The following ASIC2 variants were observed in gnomAD, a reference collection of about 807,000 sequenced individuals.
ASIC2 encodes the protein acid-sensing ion channel 2.
A neutral mutation model predicts 57.3 loss-of-function variants in ASIC2; 25 were observed. The ratio of observed to expected loss-of-function variants is 0.44; its 90% CI spans 0.32 to 0.61. The LOEUF (loss-of-function observed/expected upper bound fraction) is 0.61. Ranked by LOEUF, ASIC2 falls within the 20% of genes least tolerant of loss-of-function variation. The pLI is 0.06. For missense variants in ASIC2, 641 were observed against 738.1 expected, an observed-to-expected ratio of 0.87 and a Z score of 1.52; for synonymous variants, 319 against 307.5, an observed-to-expected ratio of 1.04 and a Z score of -0.39.
intron 7 of ASIC2, among the ~76,000 whole-genome samples, chr17:33,019,428 C>T (rs546433115): frequency 3.3e-4 from 50 of 151,778 alleles, no homozygotes; most frequent in Non-Finnish European, 5.0e-4. Flanking sequence ...GTGATTGGAA[C>T]GTGGGGCTGT....
At chr17:33,830,393 G>A (rs1010206938) in intron 1 of ASIC2, among the ~76,000 whole-genome samples, 3 of 152,112 alleles carry the variant, frequency 2.0e-5, no homozygotes, top group African/African-American at 7.2e-5. Context: ...TTCTTGGCAT[G>A]AGCATGATGT....
At chr17:33,894,209 G>T (rs1915031592) in intron 1 of ASIC2, among the ~76,000 whole-genome samples, 1 of 152,222 alleles carries the variant, frequency 6.6e-6, no homozygotes, top group Non-Finnish European at 1.5e-5. Context: ...CTTCCTGCCA[G>T]ATGTGAAATT....
At chr17:33,398,712 C>A (rs1910171374) in intron 1 of ASIC2, among the ~76,000 whole-genome samples, 1 of 152,242 alleles carries the variant, frequency 6.6e-6, no homozygotes, top group African/African-American at 2.4e-5. Flanking sequence ...TCACTTTGGT[C>A]TTCACAAAAT....
intron 1 of ASIC2, among the ~76,000 whole-genome samples, chr17:33,813,612 A>G (rs575426725): frequency 1.8e-4 from 27 of 152,044 alleles, no homozygotes; most frequent in African/African-American, 6.5e-4. Flanking sequence ...AATTTTTTGT[A>G]TTTTTAGTAG....
intron 1 of ASIC2, among the ~76,000 whole-genome samples, chr17:34,099,301 AAGAG>A (rs1048966924): frequency 3.4e-5 from 5 of 147,420 alleles, no homozygotes; most frequent in African/African-American, 1.0e-4. Flanking sequence ...GGAAGAAAGA[AAGAG>A]AAAGAAAGAA....
chr17:33,713,966 C>T (rs1328016087), intron 1 of ASIC2, among the ~76,000 whole-genome samples: 1 of 152,008 alleles, frequency 6.6e-6, no homozygotes, highest in Non-Finnish European at 1.5e-5. Context: ...TACACCTGAA[C>T]CTGTGACACA....
At chr17:33,695,992 A>G (rs577268711) in intron 1 of ASIC2, among the ~76,000 whole-genome samples, 1 of 152,348 alleles carries the variant, frequency 6.6e-6, no homozygotes, top group African/African-American at 2.4e-5. Flanking sequence ...ATATTCACAT[A>G]TGGATCTAGT....
intron 1 of ASIC2, among the ~76,000 whole-genome samples, chr17:33,852,152 C>A (rs1447319297): frequency 2.6e-5 from 4 of 152,258 alleles, no homozygotes; most frequent in Non-Finnish European, 4.4e-5. Flanking sequence ...GGCCCAGCAT[C>A]TATCCATCAT....
intron 1 of ASIC2, among the ~76,000 whole-genome samples, chr17:33,451,121 G>C (rs1339240403): frequency 6.6e-6 from 1 of 151,296 alleles, no homozygotes; most frequent in East Asian, 1.9e-4. Context: ...CAGTGGTGCA[G>C]TCTCAGCTCA....
At chr17:33,530,396 A>T (rs1410090074) in intron 1 of ASIC2, among the ~76,000 whole-genome samples, 1 of 152,270 alleles carries the variant, frequency 6.6e-6, no homozygotes, top group Non-Finnish European at 1.5e-5. Flanking sequence ...AAAGAGAGAG[A>T]GGTCAGTCCC....
Position 33,629,980 on chromosome 17 carries a change from T to C in ASIC2, c.556-517913A>G, listed in dbSNP as rs117240990. Among the ~76,000 whole-genome samples the C allele has an allele frequency of 2.6e-3, 400 of 152,278 alleles. 3 individuals are homozygous for C. The highest frequency in any genetic ancestry group is 4.6e-3 in the East Asian group (24 of 5,180). On this transcript the variant is annotated intron_variant, in intron 1 of 9. Transcript: ENST00000359872. Reference sequence around the variant, plus strand: ...GGGCATCCCTCTTGATACTTATTCATTGAAGGTCAAATGCAGGTTACATGT... The same window carrying C: ...GGGCATCCCTCTTGATACTTATTCACTGAAGGTCAAATGCAGGTTACATGT...
At chr17:33,725,574 G>A (rs1332766461) in intron 1 of ASIC2, among the ~76,000 whole-genome samples, 1 of 151,970 alleles carries the variant, frequency 6.6e-6, no homozygotes, top group Admixed American at 6.5e-5. Context: ...AGTTAGAAGA[G>A]GTCAAGATCA....
chr17:34,106,782 T>C (rs886769207), intron 1 of ASIC2, among the ~76,000 whole-genome samples: 2 of 152,204 alleles, frequency 1.3e-5, no homozygotes, highest in African/African-American at 4.8e-5. Context: ...CTTATTTTCC[T>C]ACATAGTGAG....
At chr17:33,484,818 C>A (rs747841763) in intron 1 of ASIC2, among the ~76,000 whole-genome samples, 2 of 152,210 alleles carry the variant, frequency 1.3e-5, no homozygotes, top group Non-Finnish European at 2.9e-5. Flanking sequence ...GTTACTGCCC[C>A]TTTCCATAGC....
Position 33,188,029 on chromosome 17 carries a change from G to A in ASIC2, c.709-75962C>T, listed in dbSNP as rs113953261. On this transcript the variant is annotated intron_variant, in intron 1 of 9. Coordinates refer to ENST00000225823, the MANE Select transcript of ASIC2 (RefSeq NM_183377.2). Reference sequence around the variant, plus strand: ...CGAAATGACACAAATAATCAGTTTAGTAGTCAAGAACATTAAAACAGCTGC... The same window carrying A: ...CGAAATGACACAAATAATCAGTTTAATAGTCAAGAACATTAAAACAGCTGC... Among the ~76,000 whole-genome samples the A allele has an allele frequency of 6.9e-3, 1,051 of 152,128 alleles. 11 individuals are homozygous for A. The highest frequency in any genetic ancestry group is 0.038 in the Middle Eastern group (11 of 292).
At chr17:34,053,754 G>A (rs973727141) in intron 1 of ASIC2, among the ~76,000 whole-genome samples, 3 of 152,212 alleles carry the variant, frequency 2.0e-5, no homozygotes, top group Non-Finnish European at 2.9e-5. Flanking sequence ...AGGATGTCTG[G>A]CTTCAAAGCC....
chr17:33,725,407 C>T (rs370056926), intron 1 of ASIC2, among the ~76,000 whole-genome samples: 7 of 152,194 alleles, frequency 4.6e-5, no homozygotes, highest in African/African-American at 7.2e-5. Context: ...TGTCCACTCA[C>T]GGGGAGGCAG....
At chr17:33,976,274 C>G (rs999011477) in intron 1 of ASIC2, among the ~76,000 whole-genome samples, 33 of 151,960 alleles carry the variant, frequency 2.2e-4, no homozygotes, top group African/African-American at 7.5e-4. Context: ...GTTACTTGGT[C>G]TAATTCAGTC....
chr17:33,566,857 A>T (rs1916250008), intron 1 of ASIC2, among the ~76,000 whole-genome samples: 2 of 151,746 alleles, frequency 1.3e-5, no homozygotes, highest in Non-Finnish European at 2.9e-5. Context: ...TGCTCCTCTT[A>T]ACTGCATTGC....
Sources: gnomAD v4.1 joint callset for allele counts (sites outside exome capture counted in the v4.1 genomes callset) on GRCh38, gnomAD v4.1.1 for gene constraint, MANE v1.5 for transcripts, NCBI Gene and HGNC (gene_info 2026-07-23, HGNC 2026-07-21) for gene names.